The following SAE1 variants were observed in gnomAD, a reference collection of about 807,000 sequenced individuals.
SAE1 encodes SUMO1 activating enzyme subunit 1, also known as SUMO-activating enzyme subunit 1.
Under a neutral mutation model 40.6 loss-of-function variants are expected in SAE1, and 11 were observed. That is an observed-to-expected ratio of 0.27 (90% CI 0.17 to 0.45). SAE1 has a LOEUF of 0.45. SAE1 is among the 20% of genes least tolerant of loss of function. The probability of loss-of-function intolerance (pLI) is 1.00; values close to 1 mark genes in which losing one functional copy is unlikely to be tolerated. For synonymous variants in SAE1, 155 were observed against 154.3 expected (o/e 1.00, Z -0.03); for missense variants, 373 against 427.3 (o/e 0.87, Z 1.12).
chr19:47,134,679 G>C (rs993477384), intron 1 of SAE1, among the ~76,000 whole-genome samples: 35 of 152,256 alleles, frequency 2.3e-4, no homozygotes, highest in African/African-American at 7.9e-4. Context: ...GCAGCAGATA[G>C]CTTTGTTTGA....
chr19:47,186,426 A>G (rs2058545023), intron 6 of SAE1, among the ~76,000 whole-genome samples: 1 of 152,058 alleles, frequency 6.6e-6, no homozygotes, highest in African/African-American at 2.4e-5. Context: ...ATTTATAGGT[A>G]ATTCATTCAG....
chr19:47,154,889 A>G (rs2058311257), intron 4 of SAE1, among the ~76,000 whole-genome samples: 1 of 152,170 alleles, frequency 6.6e-6, no homozygotes. Flanking sequence ...CAGTGTGCTG[A>G]GCAACTTACG....
intron 1 of SAE1, among the ~76,000 whole-genome samples, chr19:47,141,538 T>C (rs955350497): frequency 6.6e-5 from 10 of 152,080 alleles, no homozygotes; most frequent in Non-Finnish European, 1.3e-4. Context: ...TTTTTATATG[T>C]AGCTGTTGCT....
intron 7 of SAE1, among the ~76,000 whole-genome samples, chr19:47,200,016 C>T (rs528647954): frequency 6.6e-5 from 10 of 151,930 alleles, no homozygotes; most frequent in South Asian, 2.1e-4. Flanking sequence ...CTGCAAGTTC[C>T]GCCTCCCGGG....
At chr19:47,186,180 C>T (rs947923899) in intron 6 of SAE1, among the ~76,000 whole-genome samples, 5 of 151,550 alleles carry the variant, frequency 3.3e-5, no homozygotes, top group East Asian at 2.0e-4. Flanking sequence ...GCACAGCTTG[C>T]GGTGAGCCGA....
chr19:47,169,319 C>G (rs1039777564), intron 5 of SAE1, among the ~76,000 whole-genome samples: 1 of 152,072 alleles, frequency 6.6e-6, no homozygotes, highest in African/African-American at 2.4e-5. Context: ...GATCTTGGCT[C>G]GCTGCAAACT....
chr19:47,183,586 C>T (rs1385788520), intron 6 of SAE1, among the ~76,000 whole-genome samples: 1 of 152,160 alleles, frequency 6.6e-6, no homozygotes, highest in South Asian at 2.1e-4. Context: ...TAATGGGCAA[C>T]ATTGTCAGCA....
At chr19:47,145,195 T>G (rs1052928451) in intron 2 of SAE1, among the ~76,000 whole-genome samples, 2 of 151,942 alleles carry the variant, frequency 1.3e-5, no homozygotes, top group African/African-American at 4.8e-5. Context: ...AGAGACCGGG[T>G]TTCTCCATGT....
At position 47,177,034 on chromosome 19, in the gene SAE1, G is replaced by A. The variant is rs1212975472; in HGVS notation, c.733+7111G>A. Among the ~76,000 whole-genome samples, 4 of 152,324 alleles carry A rather than the reference G, an allele frequency of 2.6e-5. No homozygotes were observed. The East Asian group carries it at 7.7e-4, about 29-fold the overall frequency. ...TAACATACAGGTTTAGCCTAGAGCAGGAAGAAATGGACTTCATCTCAAGAT... is the reference window on the plus strand; with the variant it reads ...TAACATACAGGTTTAGCCTAGAGCAAGAAGAAATGGACTTCATCTCAAGAT... On this transcript the variant is annotated intron_variant, in intron 6 of 8. Transcript: ENST00000270225.
At chr19:47,145,779 C>T (rs1370315096) in intron 2 of SAE1, among the ~76,000 whole-genome samples, 2 of 151,994 alleles carry the variant, frequency 1.3e-5, no homozygotes, top group Non-Finnish European at 2.9e-5. Flanking sequence ...CAGAACAGTG[C>T]GATTCTGACA....
chr19:47,155,460 CT>C (rs982443685), intron 5 of SAE1, among the ~76,000 whole-genome samples: 3 of 149,230 alleles, frequency 2.0e-5, no homozygotes, highest in South Asian at 4.3e-4. Context: ...CTGTCCCAAA[CT>C]TTTTTTTTTG....
intron 6 of SAE1, among the ~76,000 whole-genome samples, chr19:47,185,494 C>T (rs763510116): frequency 1.3e-5 from 2 of 150,964 alleles, no homozygotes; most frequent in African/African-American, 2.4e-5. Context: ...TTAGTGGACA[C>T]GAGGTTTCAC....
chr19:47,199,002 C>T (rs1391599260), intron 7 of SAE1, among the ~76,000 whole-genome samples: 2 of 151,954 alleles, frequency 1.3e-5, no homozygotes, highest in East Asian at 1.9e-4. Context: ...GCTAGAGCAT[C>T]GCTTGAGCCC....
intron 4 of SAE1, among the ~76,000 whole-genome samples, chr19:47,154,357 C>G (rs766466144): frequency 7.3e-5 from 11 of 151,216 alleles, no homozygotes; most frequent in African/African-American, 2.7e-4. Flanking sequence ...TCACAAAGTA[C>G]TAGGATTACA....
intron 6 of SAE1, among the ~76,000 whole-genome samples, chr19:47,193,434 AAG>A (rs2058592407): frequency 6.6e-6 from 1 of 152,140 alleles, no homozygotes; most frequent in African/African-American, 2.4e-5. Flanking sequence ...GTTCTTGAAA[AAG>A]AGAAGAGAGT....
chr19:47,206,301 G>T (rs1292607244), intron 8 of SAE1, among the ~76,000 whole-genome samples: 1 of 152,144 alleles, frequency 6.6e-6, no homozygotes, highest in African/African-American at 2.4e-5. Flanking sequence ...CCCATGCCCT[G>T]CTCTCATCCC....
intron 1 of SAE1, among the ~76,000 whole-genome samples, chr19:47,137,863 G>A (rs770416011): frequency 2.0e-5 from 3 of 151,730 alleles, no homozygotes; most frequent in African/African-American, 7.3e-5. Context: ...GGAGTAGCTC[G>A]GATTACAGGC....
Position 47,130,911 on chromosome 19 carries a change from A to G in SAE1, c.-20A>G, listed in dbSNP as rs2058137037. 6.5e-7 allele frequency: 1 copy of G among 1,548,890 alleles called. No individual in the cohort carries two copies. The highest frequency in any genetic ancestry group is 8.7e-7 in the Non-Finnish European group (1 of 1,146,436). On this transcript the variant is annotated 5_prime_UTR_variant, in exon 1 of 9. Transcript: ENST00000270225. ...GTTGGCTTGAGCGGGACCGGAGCTG[A>G]GGCAGGAAGAGCCGGCGCCATGGTG... is the stretch of plus-strand genomic sequence containing the variant.
chr19:47,140,842 G>A (rs2058217292), intron 1 of SAE1, among the ~76,000 whole-genome samples: 1 of 151,968 alleles, frequency 6.6e-6, no homozygotes, highest in South Asian at 2.1e-4. Flanking sequence ...TGGCAGTTGA[G>A]TATTTAATTT....
Sources: gnomAD v4.1 joint callset for allele counts (sites outside exome capture counted in the v4.1 genomes callset) on GRCh38, gnomAD v4.1.1 for gene constraint, MANE v1.5 for transcripts, NCBI Gene and HGNC (gene_info 2026-07-23, HGNC 2026-07-21) for gene names.